Variants in DNAI1 observed in about 807,000 individuals in gnomAD.
The protein encoded by DNAI1 is dynein, axonemal, intermediate polypeptide 1.
In DNAI1, 67 loss-of-function variants were observed where a neutral mutation model predicts 92.0. That is an observed-to-expected ratio of 0.73 (90% CI 0.60 to 0.89). DNAI1 has a LOEUF of 0.89. Among genes scored for constraint, DNAI1 ranks in the 40% least tolerant of loss-of-function variants. The pLI, the probability that DNAI1 is intolerant of heterozygous loss-of-function variation, is 0.00. For missense variants in DNAI1, 839 were observed against 866.6 expected, an observed-to-expected ratio of 0.97 and a Z score of 0.40; for synonymous variants, 323 against 319.6, an observed-to-expected ratio of 1.01 and a Z score of -0.11.
At position 34,500,648 on chromosome 9, in the gene DNAI1, A is replaced by G. The variant is rs1824810546; in HGVS notation, c.902-74A>G. ...CTCATTGTTTTGCCCAAGGAGGTACAGACAGTAAGTGGTGGACCTGGGTTT... is the reference window on the plus strand; with the variant it reads ...CTCATTGTTTTGCCCAAGGAGGTACGGACAGTAAGTGGTGGACCTGGGTTT... On this transcript the variant is annotated intron_variant, in intron 10 of 19. Coordinates refer to ENST00000242317, the MANE Select transcript of DNAI1 (RefSeq NM_012144.4). 5 of 987,926 alleles carry G rather than the reference A, an allele frequency of 5.1e-6. No homozygotes were observed. In the South Asian group the frequency reaches 6.6e-5, roughly 13 times the overall value. The allele number at this position is 987,926 out of a possible 1,614,324, so 61.2% of individuals were successfully genotyped here. A position where few individuals can be genotyped will look rare whatever the true frequency, so the allele number is the denominator to read the frequency against.
chr9:34,514,563 T>C (rs1354446799), intron 17 of DNAI1, 21 bp downstream of exon 17: 2 of 1,614,248 alleles, frequency 1.2e-6, no homozygotes, highest in South Asian at 1.1e-5. Context: ...TGTTCCTGGC[T>C]CTGCCTGGGG....
intron 1 of DNAI1, among the ~76,000 whole-genome samples, chr9:34,468,694 G>C (rs2132042733): frequency 6.6e-6 from 1 of 151,998 alleles, no homozygotes; most frequent in African/African-American, 2.4e-5. Flanking sequence ...AGGCGTGGTG[G>C]TATGCCCCTG....
At chr9:34,516,490 G>A (rs148696264) in intron 18 of DNAI1, among the ~76,000 whole-genome samples, 3 of 152,306 alleles carry the variant, frequency 2.0e-5, no homozygotes, top group Admixed American at 6.5e-5. Context: ...CATGGAATGA[G>A]CACTGGTATG....
At position 34,514,388 on chromosome 9, in the gene DNAI1, G is replaced by C. The variant is rs370622070; in HGVS notation, c.1570-6G>C. 4 of 1,613,610 alleles carry C rather than the reference G, an allele frequency of 2.5e-6. No homozygotes were observed. The highest frequency in any genetic ancestry group is 3.4e-6 in the Non-Finnish European group (4 of 1,180,026). On this transcript the variant is annotated splice_region_variant and splice_polypyrimidine_tract_variant and intron_variant, in intron 16 of 19. Transcript: ENST00000242317. Reference sequence around the variant, plus strand: ...CACTTCTGACCCCCGTTCCCTCCCCGACCAGTGCTCTAAATCCTACTCCAG... The same window carrying C: ...CACTTCTGACCCCCGTTCCCTCCCCCACCAGTGCTCTAAATCCTACTCCAG...
At chr9:34,498,804 G>T (rs2132070328) in intron 10 of DNAI1, among the ~76,000 whole-genome samples, 1 of 152,280 alleles carries the variant, frequency 6.6e-6, no homozygotes, top group East Asian at 1.9e-4. Context: ...CAGAAACCAG[G>T]GCTGCCAAAA....
intron 12 of DNAI1, among the ~76,000 whole-genome samples, chr9:34,505,278 C>T (rs1320737883): frequency 2.6e-5 from 4 of 152,136 alleles, no homozygotes; most frequent in Non-Finnish European, 5.9e-5. Flanking sequence ...ACAGGCTGCC[C>T]ACATTCCATG....
intron 1 of DNAI1, among the ~76,000 whole-genome samples, chr9:34,459,446 C>CT (rs201022927): frequency 0.023 from 3,354 of 147,004 alleles, 65 homozygotes; most frequent in Non-Finnish European, 0.026. Context: ...TTCTTTCTTT[C>CT]TTTCTTTTTT....
At chr9:34,505,293 G>A (rs780791863) in intron 12 of DNAI1, among the ~76,000 whole-genome samples, 1 of 152,080 alleles carries the variant, frequency 6.6e-6, no homozygotes, top group Non-Finnish European at 1.5e-5. Context: ...TCCATGGCTT[G>A]TGGTCCCCTT....
chr9:34,486,045 G>A (rs1476150021), intron 4 of DNAI1, among the ~76,000 whole-genome samples: 1 of 152,084 alleles, frequency 6.6e-6, no homozygotes, highest in African/African-American at 2.4e-5. Context: ...GGCGTGGGTG[G>A]GTAAGTTCTG....
At chr9:34,490,310 C>A in intron 6 of DNAI1, 59 bp from the exon 7 acceptor site, 3 of 1,613,996 alleles carry the variant, frequency 1.9e-6, no homozygotes, top group Non-Finnish European at 2.5e-6. Flanking sequence ...TGCCCCATCT[C>A]CCGGTTTTCT....
At chr9:34,465,548 G>A (rs1824022618) in intron 1 of DNAI1, among the ~76,000 whole-genome samples, 1 of 152,234 alleles carries the variant, frequency 6.6e-6, no homozygotes, top group African/African-American at 2.4e-5. Flanking sequence ...CAGAGTTATG[G>A]TCTGAGGTTT....
rs3039302 is a variant in DNAI1 at position 34,467,440 on chromosome 9, TACACACACACAC to T, written c.48+8418_48+8429del. On this transcript the variant is annotated intron_variant, in intron 1 of 19. Transcript: ENST00000242317. ...CAGCAAGACCCCATCTCTACACAAATACACACACACACACACACACACACACACACACACACA... is the reference window on the plus strand; with the variant it reads ...CAGCAAGACCCCATCTCTACACAAATACACACACACACACACACACACACA... Among the ~76,000 whole-genome samples, 456 of 137,462 alleles carry T rather than the reference TACACACACACAC, an allele frequency of 3.3e-3. 3 individuals are homozygous for T. The highest frequency in any genetic ancestry group is 9.3e-3 in the African/African-American group (338 of 36,336). The allele number at this position is 137,462 out of a possible 152,430, so 90.2% of individuals were successfully genotyped here.
chr9:34,514,692 G>A lies in DNAI1; in HGVS notation c.1771G>A (p.Ala591Thr). ...CTCAGCCGTGGGTGATGTGGCCTGGGCGCCATACTCTTCTACTGTGTTCGC... is the reference window on the plus strand; with the variant it reads ...CTCAGCCGTGGGTGATGTGGCCTGGACGCCATACTCTTCTACTGTGTTCGC... ...LNSAVGDVAWAPYSSTVFAAV... is the reference protein window; with the variant it reads ...LNSAVGDVAWTPYSSTVFAAV... The change falls in exon 18 of 20, where the codon GCG (alanine) becomes ACG (threonine). Residue 591 changes from alanine (A) to threonine (T), a missense_variant. Ala to Thr is a moderately conservative substitution (Grantham distance 58, BLOSUM62 0). Transcript: ENST00000242317. 6.2e-7 allele frequency: 1 copy of A among 1,614,172 alleles called. No homozygotes were observed. Among genetic ancestry groups the A allele is most frequent in the Non-Finnish European group, 8.5e-7 (1 of 1,180,048 alleles).
intron 13 of DNAI1, among the ~76,000 whole-genome samples, chr9:34,507,643 A>G (rs977080552): frequency 6.6e-6 from 1 of 152,210 alleles, no homozygotes; most frequent in African/African-American, 2.4e-5. Context: ...GGTCAACTGT[A>G]TGTTAAAGAC....
chr9:34,514,545 G>A lies in DNAI1; in HGVS notation c.1718+3G>A. On this transcript the variant is annotated splice_donor_region_variant and intron_variant, in intron 17 of 19. Coordinates refer to ENST00000242317, the MANE Select transcript of DNAI1 (RefSeq NM_012144.4). ...AAGATCTGGGACCACACCATCAAGT[G>A]AGGGGCCTGTTCCTGGCTCTGCCTG... 6.2e-7 allele frequency: 1 copy of A among 1,614,190 alleles called. No individual in the cohort carries two copies.
chr9:34,515,503 G>T (rs1442468420), intron 18 of DNAI1, among the ~76,000 whole-genome samples: 1 of 152,196 alleles, frequency 6.6e-6, no homozygotes, highest in African/African-American at 2.4e-5. Context: ...TCTAGGCAGA[G>T]AATTATTAAT....
rs961568579 is a variant in DNAI1, at chr9:34,485,536, G to A, written c.261+19G>A. The A allele has an allele frequency of 6.2e-7, 1 of 1,611,484 alleles. No individual in the cohort carries two copies. The highest frequency in any genetic ancestry group is 8.5e-7 in the Non-Finnish European group (1 of 1,177,924). On this transcript the variant is annotated intron_variant, in intron 4 of 19. Coordinates refer to ENST00000242317, the MANE Select transcript of DNAI1 (RefSeq NM_012144.4). ...CTTCAAAGTAAGTCATCCCCTCCTG[G>A]GCAGGGGCATCTATACCCATCTCCT...
intron 19 of DNAI1, among the ~76,000 whole-genome samples, chr9:34,519,092 C>T (rs933223871): frequency 6.6e-6 from 1 of 152,164 alleles, no homozygotes; most frequent in African/African-American, 2.4e-5. Context: ...CAGGTGGGGG[C>T]TGGTGGGTAC....
chr9:34,459,015 G>A lies in DNAI1; in HGVS notation c.10G>A (p.Ala4Thr). 1 of 1,614,170 alleles carries A rather than the reference G, an allele frequency of 6.2e-7. No homozygotes were observed. Among genetic ancestry groups the A allele is most frequent in the Non-Finnish European group, 8.5e-7 (1 of 1,180,012 alleles). ...CTCTCCAGGGGTTGAGATGATTCCT[G>A]CTTCTGCGAAGGCTCCCCATAAACA... is the stretch of plus-strand genomic sequence containing the variant. Reference protein sequence around the residue: MIPASAKAPHKQPH... With the variant: MIPTSAKAPHKQPH... The change falls in exon 1 of 20, where the codon GCT (alanine) becomes ACT (threonine). Residue 4 changes from alanine (A) to threonine (T), a missense_variant. Transcript: ENST00000242317.
Sources: allele counts gnomAD v4.1 joint callset (sites outside exome capture counted in the v4.1 genomes callset), GRCh38; gene constraint gnomAD v4.1.1; transcripts MANE v1.5; gene names NCBI Gene and HGNC (gene_info 2026-07-23, HGNC 2026-07-21).